Variants in EYS observed in about 807,000 individuals in gnomAD.
EYS encodes the protein protein eyes shut homolog.
A neutral mutation model predicts 282.1 loss-of-function variants in EYS; 250 were observed. The ratio of observed to expected loss-of-function variants is 0.89; its 90% CI spans 0.80 to 0.98. The LOEUF (loss-of-function observed/expected upper bound fraction) is 0.98, where lower values mean the gene tolerates loss of function less well. Among genes scored for constraint, EYS ranks in the 50% least tolerant of loss-of-function variants. The pLI is 0.00. For missense variants in EYS, 4,016 were observed against 3,709.0 expected (o/e 1.08, Z -2.15); for synonymous variants, 1,355 against 1,282.9 (o/e 1.06, Z -1.20).
At chr6:64,877,427 A>G (rs879020836) in intron 19 of EYS, among the ~76,000 whole-genome samples, 1 of 152,214 alleles carries the variant, frequency 6.6e-6, no homozygotes, top group Non-Finnish European at 1.5e-5. Flanking sequence ...TATTTTTTAA[A>G]TGGTTGAAAT....
At chr6:65,017,273 G>A (rs1396106141) in intron 13 of EYS, among the ~76,000 whole-genome samples, 1 of 152,114 alleles carries the variant, frequency 6.6e-6, no homozygotes, top group African/African-American at 2.4e-5. Context: ...TATTATTAAT[G>A]TACTTATTTT....
At chr6:65,677,675 C>T (rs960977412) in intron 1 of EYS, among the ~76,000 whole-genome samples, 4 of 151,868 alleles carry the variant, frequency 2.6e-5, no homozygotes, top group Non-Finnish European at 4.4e-5. Flanking sequence ...ATTCCAATGC[C>T]ATTTCATTTT....
intron 26 of EYS, among the ~76,000 whole-genome samples, chr6:64,544,579 G>A (rs997022627): frequency 6.6e-6 from 1 of 152,126 alleles, no homozygotes; most frequent in Admixed American, 6.6e-5. Context: ...AATGAATCCA[G>A]CAGCTGGTTT....
intron 26 of EYS, among the ~76,000 whole-genome samples, chr6:64,458,161 ATTT>A: frequency 6.6e-6 from 1 of 152,144 alleles, no homozygotes; most frequent in African/African-American, 2.4e-5. Flanking sequence ...TGCACCAATT[ATTT>A]TTGATAGTTT....
intron 19 of EYS, among the ~76,000 whole-genome samples, chr6:64,850,311 T>G (rs1765841875): frequency 6.6e-6 from 1 of 152,128 alleles, no homozygotes; most frequent in Non-Finnish European, 1.5e-5. Context: ...AGATAATATG[T>G]AATCTCTCAT....
intron 22 of EYS, among the ~76,000 whole-genome samples, chr6:64,770,674 T>A (rs958716496): frequency 1.3e-5 from 2 of 151,926 alleles, no homozygotes; most frequent in African/African-American, 4.8e-5. Context: ...AACATCACTA[T>A]CACAGTCAAA....
intron 36 of EYS, among the ~76,000 whole-genome samples, chr6:63,827,792 T>C (rs4710441): frequency 1 from 148,614 of 148,910 alleles, 74,159 homozygotes; most frequent in Middle Eastern, 1. Context: ...TGCAGTGAGC[T>C]GAGATTGCGC....
intron 22 of EYS, among the ~76,000 whole-genome samples, chr6:64,757,725 A>C (rs1482561573): frequency 7.6e-6 from 1 of 131,324 alleles, no homozygotes; most frequent in Non-Finnish European, 1.7e-5. Context: ...CAAAAGATTA[A>C]TTTTTTTTCT....
intron 35 of EYS, among the ~76,000 whole-genome samples, chr6:63,908,839 A>G (rs1438082183): frequency 6.6e-6 from 1 of 152,118 alleles, no homozygotes; most frequent in African/African-American, 2.4e-5. Context: ...CCCTGACCTC[A>G]CTTCTTCACT....
chr6:65,380,241 C>T (rs1447148000), intron 8 of EYS, among the ~76,000 whole-genome samples: 1 of 152,016 alleles, frequency 6.6e-6, no homozygotes, highest in African/African-American at 2.4e-5. Context: ...ACACAGTAAC[C>T]AAAACAGCAT....
intron 26 of EYS, among the ~76,000 whole-genome samples, chr6:64,556,622 CTT>C (rs1304792717): frequency 6.6e-6 from 1 of 151,756 alleles, no homozygotes; most frequent in Non-Finnish European, 1.5e-5. Context: ...ACTGTATAAA[CTT>C]ATATCTCAAT....
chr6:65,601,359 C>T (rs776369642), intron 2 of EYS, among the ~76,000 whole-genome samples: 7 of 151,628 alleles, frequency 4.6e-5, no homozygotes, highest in Non-Finnish European at 8.8e-5. Flanking sequence ...AATATGAAAC[C>T]TTGTATAAAT....
chr6:64,368,559 G>A (rs1243945465), intron 29 of EYS, among the ~76,000 whole-genome samples: 2 of 151,940 alleles, frequency 1.3e-5, no homozygotes, highest in African/African-American at 4.8e-5. Flanking sequence ...TTTCTCTGTA[G>A]CCTTGCCAGC....
intron 15 of EYS, among the ~76,000 whole-genome samples, chr6:64,925,276 C>T (rs1225198637): frequency 1.3e-5 from 2 of 152,152 alleles, no homozygotes; most frequent in Non-Finnish European, 2.9e-5. Flanking sequence ...AAGACCAGAC[C>T]TCATGATTCA....
At chr6:65,670,966 G>A (rs1290576568) in intron 1 of EYS, among the ~76,000 whole-genome samples, 2 of 151,120 alleles carry the variant, frequency 1.3e-5, no homozygotes, top group Admixed American at 6.6e-5. Context: ...ACAAAGAAAG[G>A]AGAAAACCTT....
chr6:64,771,294 C>T (rs952593848), intron 22 of EYS, among the ~76,000 whole-genome samples: 5 of 151,518 alleles, frequency 3.3e-5, no homozygotes, highest in African/African-American at 1.2e-4. Flanking sequence ...AAATATTTGC[C>T]TATGTTATGA....
chr6:65,464,915 A>G (rs989249851), intron 5 of EYS, among the ~76,000 whole-genome samples: 11 of 152,178 alleles, frequency 7.2e-5, no homozygotes, highest in African/African-American at 2.2e-4. Flanking sequence ...AGGTATCCAC[A>G]TGACCTAATT....
chr6:65,385,746 A>C (rs1765774375), intron 7 of EYS, among the ~76,000 whole-genome samples: 1 of 151,898 alleles, frequency 6.6e-6, no homozygotes, highest in Admixed American at 6.6e-5. Context: ...ATAGATGAAG[A>C]CCTTTATGTA....
chr6:64,205,814 TACAC>T lies in EYS; in HGVS notation c.6424+24774_6424+24777del, dbSNP rs147264812. On this transcript the variant is annotated intron_variant, in intron 31 of 42. Transcript: ENST00000503581. ...GGCTTTCAAAGGGAATAGGCATTCA[TACAC>T]ACACACACACACACACACACACACA... Among the ~76,000 whole-genome samples the T allele has an allele frequency of 1.0e-3, 137 of 136,378 alleles. 1 individual carries two copies. The highest frequency in any genetic ancestry group is 4.8e-3 in the East Asian group (22 of 4,584). 89.5% of individuals were successfully genotyped at this position (136,378 alleles called of 152,430 possible). A position where few individuals can be genotyped will look rare whatever the true frequency, so the allele number is the denominator to read the frequency against.
Sources: allele counts gnomAD v4.1 joint callset (sites outside exome capture counted in the v4.1 genomes callset), GRCh38; gene constraint gnomAD v4.1.1; transcripts MANE v1.5; gene names NCBI Gene and HGNC (gene_info 2026-07-23, HGNC 2026-07-21).